Variants in CEP85L observed in about 807,000 individuals in gnomAD.
The protein encoded by CEP85L is centrosomal protein 85L.
CEP85L carries 60 observed loss-of-function variants against 100.3 expected under a neutral mutation model. The observed-to-expected ratio is 0.60, with a 90% CI of 0.49 to 0.74. The LOEUF (loss-of-function observed/expected upper bound fraction) is 0.74. Among genes scored for constraint, CEP85L ranks in the 30% least tolerant of loss-of-function variants. The pLI, the probability that CEP85L is intolerant of heterozygous loss-of-function variation, is 0.00. For missense variants in CEP85L, 973 were observed against 936.2 expected (o/e 1.04, Z -0.51); for synonymous variants, 319 against 322.7 (o/e 0.99, Z 0.12).
intron 2 of CEP85L, among the ~76,000 whole-genome samples, chr6:118,608,355 C>T (rs9489463): frequency 0.16 from 24,921 of 151,926 alleles, 2,176 homozygotes; most frequent in Non-Finnish European, 0.19. Flanking sequence ...ATTAGCCAGG[C>T]GTGGTGGCGT....
At chr6:118,668,346 G>T (rs1278976134) in intron 1 of CEP85L, among the ~76,000 whole-genome samples, 1 of 152,310 alleles carries the variant, frequency 6.6e-6, no homozygotes, top group Non-Finnish European at 1.5e-5. Context: ...GTCCCATAAG[G>T]TATGCTTACC....
At position 118,587,346 on chromosome 6, in the gene CEP85L, T is replaced by C. The variant is rs1489108062; in HGVS notation, c.233-21030A>G. On this transcript the variant is annotated intron_variant, in intron 2 of 12. Transcript: ENST00000368491. ...CTTCACACCCTCAGGCTTGGAAAAG[T>C]TGATGGAGTAATAGCAAATGCCTCC... Among the ~76,000 whole-genome samples, 4 of 152,208 alleles carry C rather than the reference T, an allele frequency of 2.6e-5. No individual in the cohort carries two copies. In the East Asian group the frequency reaches 7.7e-4, roughly 29 times the overall value.
At chr6:118,497,505 T>C (rs557888673) in intron 5 of CEP85L, among the ~76,000 whole-genome samples, 1 of 152,296 alleles carries the variant, frequency 6.6e-6, no homozygotes, top group Admixed American at 6.5e-5. Context: ...AATGTAATTA[T>C]AATAGAAATG....
At chr6:118,697,714 A>T (rs1771755) in intron 1 of CEP85L, among the ~76,000 whole-genome samples, 69,404 of 152,064 alleles carry the variant, frequency 0.46, 16,477 homozygotes, top group African/African-American at 0.58. Flanking sequence ...CCATCAGTAT[A>T]TGAAACTTGA....
At chr6:118,605,798 G>A (rs1308504266) in intron 2 of CEP85L, among the ~76,000 whole-genome samples, 2 of 152,164 alleles carry the variant, frequency 1.3e-5, no homozygotes, top group African/African-American at 4.8e-5. Context: ...AGATCACGAG[G>A]TCAGGAGATC....
chr6:118,477,412 T>C (rs1432216120), intron 10 of CEP85L, among the ~76,000 whole-genome samples: 1 of 152,200 alleles, frequency 6.6e-6, no homozygotes, highest in African/African-American at 2.4e-5. Context: ...GCCAGTGACC[T>C]ATAACAGATA....
chr6:118,707,060 C>T (rs141022788), intron 1 of CEP85L, among the ~76,000 whole-genome samples: 140 of 152,312 alleles, frequency 9.2e-4, no homozygotes, highest in African/African-American at 3.2e-3. Context: ...TGAGCCCAGG[C>T]TATCTCTCCT....
chr6:118,624,865 A>G (rs1425158424), intron 2 of CEP85L, among the ~76,000 whole-genome samples: 1 of 152,234 alleles, frequency 6.6e-6, no homozygotes, highest in African/African-American at 2.4e-5. Context: ...CTCCAAGTCC[A>G]TATAAGAAAC....
chr6:118,646,850 C>T lies in CEP85L; in HGVS notation c.73+4347G>A, dbSNP rs539035232. The T allele has an allele frequency of 5.1e-6, 4 of 781,326 alleles. No homozygotes were observed. In the South Asian group the frequency reaches 2.3e-4, roughly 46 times the overall value. The allele number at this position is 781,326 out of a possible 1,614,324, so 48.4% of individuals were successfully genotyped here. A position where few individuals can be genotyped will look rare whatever the true frequency, so the allele number is the denominator to read the frequency against. On this transcript the variant is annotated intron_variant, in intron 1 of 12. Coordinates refer to ENST00000368491, the MANE Select transcript of CEP85L (RefSeq NM_001042475.3). ...GTCTGAAAAATCATGACTCTCTCAA[C>T]CCTTTCTGTTCACACACATAAATAT... is the stretch of plus-strand genomic sequence containing the variant.
intron 5 of CEP85L, among the ~76,000 whole-genome samples, chr6:118,500,143 T>A (rs964941654): frequency 1.3e-5 from 1 of 75,618 alleles, no homozygotes; most frequent in South Asian, 3.9e-4. Context: ...TCTACTAAAG[T>A]ATTTTTTTTT....
At chr6:118,466,995 G>A (rs953268505) in intron 12 of CEP85L, among the ~76,000 whole-genome samples, 16 of 152,108 alleles carry the variant, frequency 1.1e-4, no homozygotes, top group Admixed American at 3.9e-4. Flanking sequence ...GGGCACAGGC[G>A]CCAGATGAAG....
chr6:118,548,537 C>A (rs1778345069), intron 3 of CEP85L: 1 of 152,024 alleles, frequency 6.6e-6, no homozygotes, highest in Admixed American at 6.6e-5. Context: ...TGACAAAGTG[C>A]TTAAATTTAT....
chr6:118,466,058 A>T (rs973357989), intron 12 of CEP85L, among the ~76,000 whole-genome samples: 3 of 152,158 alleles, frequency 2.0e-5, no homozygotes, highest in Non-Finnish European at 4.4e-5. Context: ...AATGAGAGAG[A>T]CAGAGAGGGA....
chr6:118,541,644 A>G (rs1777907446), intron 3 of CEP85L, among the ~76,000 whole-genome samples: 2 of 152,208 alleles, frequency 1.3e-5, no homozygotes, highest in Non-Finnish European at 2.9e-5. Flanking sequence ...ACCTGAAGCA[A>G]TCAAGAACCT....
intron 5 of CEP85L, among the ~76,000 whole-genome samples, chr6:118,504,532 T>A (rs1418314220): frequency 6.6e-6 from 1 of 152,214 alleles, no homozygotes; most frequent in Non-Finnish European, 1.5e-5. Flanking sequence ...CCACATTCCT[T>A]ATCTCATACC....
At chr6:118,491,925 G>T in intron 5 of CEP85L, 60 bp from the exon 6 acceptor site, 3 of 1,292,460 alleles carry the variant, frequency 2.3e-6, no homozygotes, top group Non-Finnish European at 3.2e-6. Flanking sequence ...CAAATGTGAA[G>T]AAATTGGAAA....
chr6:118,533,714 C>G (rs1001229124), intron 3 of CEP85L, among the ~76,000 whole-genome samples: 1 of 152,144 alleles, frequency 6.6e-6, no homozygotes, highest in Admixed American at 6.5e-5. Flanking sequence ...CAAAATCAAA[C>G]CAAATCCAAT....
intron 2 of CEP85L, among the ~76,000 whole-genome samples, chr6:118,601,096 T>C (rs1389938817): frequency 6.6e-6 from 1 of 152,226 alleles, no homozygotes; most frequent in Non-Finnish European, 1.5e-5. Context: ...ATACACTTTA[T>C]GTAAGTTATT....
chr6:118,502,818 T>C, intron 5 of CEP85L: 1 of 629,062 alleles, frequency 1.6e-6, no homozygotes, highest in Non-Finnish European at 3.0e-6. Flanking sequence ...ATGTATGGAG[T>C]TCAAAAAGCA....
Sources: allele counts gnomAD v4.1 joint callset (sites outside exome capture counted in the v4.1 genomes callset), GRCh38; gene constraint gnomAD v4.1.1; transcripts MANE v1.5; gene names NCBI Gene and HGNC (gene_info 2026-07-23, HGNC 2026-07-21).